DNAH9: variants seen among roughly 807,000 people sequenced by gnomAD.
The protein encoded by DNAH9 is DNAH9 variant protein.
DNAH9 carries 345 observed loss-of-function variants against 471.6 expected under a neutral mutation model. That is an observed-to-expected ratio of 0.73 (90% CI 0.67 to 0.80). The LOEUF (loss-of-function observed/expected upper bound fraction) is 0.80, where lower values mean the gene tolerates loss of function less well. Among genes scored for constraint, DNAH9 ranks in the 30% least tolerant of loss-of-function variants. DNAH9 has a pLI of 0.00. For missense variants in DNAH9, 5,407 were observed against 5,609.2 expected, an observed-to-expected ratio of 0.96 and a Z score of 1.15; for synonymous variants, 2,093 against 2,123.6, an observed-to-expected ratio of 0.99 and a Z score of 0.40.
chr17:11,621,032 T>C (rs1483894306), intron 6 of DNAH9, among the ~76,000 whole-genome samples: 1 of 152,116 alleles, frequency 6.6e-6, no homozygotes, highest in Non-Finnish European at 1.5e-5. Context: ...TGTTTGCTGA[T>C]TGGACTTGGA....
intron 5 of DNAH9, among the ~76,000 whole-genome samples, chr17:11,617,845 C>T (rs2072777727): frequency 6.6e-6 from 1 of 152,214 alleles, no homozygotes; most frequent in African/African-American, 2.4e-5. Flanking sequence ...CCTTTCCCCT[C>T]TGCCTAAGAG....
intron 41 of DNAH9, among the ~76,000 whole-genome samples, chr17:11,791,782 C>G (rs890278180): frequency 1.3e-5 from 2 of 152,136 alleles, no homozygotes; most frequent in African/African-American, 2.4e-5. Flanking sequence ...CATAAAGGCT[C>G]TGTGAGGCAC....
At position 11,822,446 on chromosome 17, in the gene DNAH9, CTG is replaced by C. The variant is rs1465056210; in HGVS notation, c.8861_8862del (p.Cys2954PhefsTer50). The stretch of plus-strand genomic sequence containing the variant: ...CCCTTCTGACTTCTCAGGTGACTCT[CTG>C]TTTCTCCCCTGTGGGAAACAAGCTA... ...RIRRQLKVTL[C>X]FSPVGNKLRV... On this transcript the variant is annotated frameshift_variant, in exon 47 of 69. Coordinates refer to ENST00000262442, the MANE Select transcript of DNAH9 (RefSeq NM_001372.4). LOFTEE classifies it high-confidence loss of function. The C allele has an allele frequency of 1.9e-6, 3 of 1,614,202 alleles. No homozygotes were observed. The highest frequency in any genetic ancestry group is 2.5e-6 in the Non-Finnish European group (3 of 1,180,028).
rs529174707 is a variant in DNAH9, at chr17:11,781,508, C to A, written c.7718+334C>A. Among the ~76,000 whole-genome samples, 9 of 152,322 alleles carry A rather than the reference C, an allele frequency of 5.9e-5. No individual in the cohort carries two copies. In the South Asian group the frequency reaches 1.5e-3, roughly 25 times the overall value. On this transcript the variant is annotated intron_variant, in intron 39 of 68. Coordinates refer to ENST00000262442, the MANE Select transcript of DNAH9 (RefSeq NM_001372.4). ...ATTAACCACTTCCCCTGCACCATGG[C>A]CCCACAGCACTGGGCATGTGCTTCA...
chr17:11,878,423 T>C (rs1972591968), intron 53 of DNAH9, among the ~76,000 whole-genome samples: 1 of 152,222 alleles, frequency 6.6e-6, no homozygotes, highest in Non-Finnish European at 1.5e-5. Context: ...CTACAGTTCA[T>C]TTTATTTTAG....
At chr17:11,903,429 G>A (rs1295012500) in intron 60 of DNAH9, among the ~76,000 whole-genome samples, 2 of 152,134 alleles carry the variant, frequency 1.3e-5, no homozygotes, top group Non-Finnish European at 1.5e-5. Flanking sequence ...CTAAAACGGG[G>A]TTATGGTAAA....
chr17:11,679,045 C>T (rs777193166), intron 17 of DNAH9, among the ~76,000 whole-genome samples: 1 of 152,058 alleles, frequency 6.6e-6, no homozygotes, highest in Non-Finnish European at 1.5e-5. Context: ...ATCTTCTACT[C>T]AGTTATTGTA....
At chr17:11,657,483 C>A (rs2073673518) in intron 14 of DNAH9, among the ~76,000 whole-genome samples, 1 of 152,018 alleles carries the variant, frequency 6.6e-6, no homozygotes, top group Non-Finnish European at 1.5e-5. Context: ...TTGTGAATAT[C>A]TTCTCCAAAT....
chr17:11,603,606 A>G (rs1175169297), intron 1 of DNAH9, among the ~76,000 whole-genome samples: 1 of 152,066 alleles, frequency 6.6e-6, no homozygotes, highest in South Asian at 2.1e-4. Context: ...CCCTGCATTC[A>G]TATTTTTCTC....
intron 22 of DNAH9, among the ~76,000 whole-genome samples, chr17:11,696,476 T>C (rs1159421521): frequency 1.3e-5 from 2 of 152,176 alleles, no homozygotes; most frequent in African/African-American, 2.4e-5. Flanking sequence ...AAAAGTGAGA[T>C]TCCCGGCTCA....
chr17:11,946,225 G>A (rs1597861546), intron 67 of DNAH9, among the ~76,000 whole-genome samples: 1 of 140,972 alleles, frequency 7.1e-6, no homozygotes, highest in African/African-American at 2.6e-5. Flanking sequence ...AAAAAAAAGA[G>A]CCAGATTAGA....
chr17:11,816,151 C>T (rs544795477), intron 45 of DNAH9, among the ~76,000 whole-genome samples: 70 of 152,222 alleles, frequency 4.6e-4, no homozygotes, highest in African/African-American at 1.6e-3. Flanking sequence ...GATAGCTGCA[C>T]GTACCACCAC....
In DNAH9 at chr17:11,905,774, CA is replaced by C; in HGVS notation, c.11715del (p.Val3907TrpfsTer4). The C allele has an allele frequency of 2.5e-6, 4 of 1,613,056 alleles. No homozygotes were observed. The highest frequency in any genetic ancestry group is 3.4e-6 in the Non-Finnish European group (4 of 1,179,608). Reference protein sequence around the residue: ...PATPMFFILSPGVDPLKDVES... With the variant: ...PATPMFFILSXGVDPLKDVES... ...ACTCCTATGTTTTTCATCCTGTCTCCAGGGGTGGACCCACTGAAGGATGTAG... is the reference window on the plus strand; with the variant it reads ...ACTCCTATGTTTTTCATCCTGTCTCCGGGGTGGACCCACTGAAGGATGTAG... On this transcript the variant is annotated frameshift_variant, in exon 61 of 69. Coordinates refer to ENST00000262442, the MANE Select transcript of DNAH9 (RefSeq NM_001372.4). LOFTEE classifies it high-confidence loss of function.
intron 49 of DNAH9, among the ~76,000 whole-genome samples, chr17:11,852,859 T>TATAA (rs1971478117): frequency 8.0e-6 from 1 of 124,290 alleles, no homozygotes; most frequent in South Asian, 2.6e-4. Context: ...TATATATATA[T>TATAA]ATGAAAGTGT....
At chr17:11,711,900 A>AT (rs1293462462) in intron 26 of DNAH9, among the ~76,000 whole-genome samples, 1 of 27,060 alleles carries the variant, frequency 3.7e-5, no homozygotes, top group African/African-American at 8.9e-5. Context: ...ATATAAATAT[A>AT]TATATTTGTA....
At chr17:11,747,454 C>G (rs976062021) in intron 31 of DNAH9, 102 bp from the exon 32 acceptor site, 1 of 856,196 alleles carries the variant, frequency 1.2e-6, no homozygotes, top group Non-Finnish European at 1.9e-6. Flanking sequence ...CCTCTGTTGA[C>G]TTCAGGTCTC....
chr17:11,903,088 C>T (rs1359079691), intron 60 of DNAH9, among the ~76,000 whole-genome samples, 176 bp downstream of exon 60: 1 of 152,202 alleles, frequency 6.6e-6, no homozygotes, highest in Non-Finnish European at 1.5e-5. Context: ...CGCCTGTAAT[C>T]CCAGCACTTC....
intron 42 of DNAH9, among the ~76,000 whole-genome samples, chr17:11,796,866 A>G (rs540631473): frequency 6.6e-6 from 1 of 152,304 alleles, no homozygotes; most frequent in South Asian, 2.1e-4. Flanking sequence ...TTCAGTACTT[A>G]GAGATATATT....
rs571789660 is a variant in DNAH9 at position 11,935,663 on chromosome 17, C to T, written c.12489+1592C>T. 7.3e-4 allele frequency among the ~76,000 whole-genome samples: 111 copies of T among 152,206 alleles called. 1 individual carries two copies. Among genetic ancestry groups the T allele is most frequent in the Admixed American group, 1.4e-3 (22 of 15,288 alleles). Reference sequence around the variant, plus strand: ...TGCTGGGATTACAGGCGTGAGCCACCGCGCCCGGCCCGAAAGATATTTTTT... The same window carrying T: ...TGCTGGGATTACAGGCGTGAGCCACTGCGCCCGGCCCGAAAGATATTTTTT... On this transcript the variant is annotated intron_variant, in intron 65 of 68. Transcript: ENST00000262442.
Sources: allele counts gnomAD v4.1 joint callset (sites outside exome capture counted in the v4.1 genomes callset), GRCh38; gene constraint gnomAD v4.1.1; transcripts MANE v1.5; gene names NCBI Gene and HGNC (gene_info 2026-07-23, HGNC 2026-07-21).